Variants in TCERG1L observed in about 807,000 individuals in gnomAD.
TCERG1L encodes transcription elongation regulator 1-like protein.
Under a neutral mutation model 56.3 loss-of-function variants are expected in TCERG1L, and 37 were observed. That is an observed-to-expected ratio of 0.66 (90% CI 0.51 to 0.87). TCERG1L has a LOEUF of 0.87. Among genes scored for constraint, TCERG1L ranks in the 40% least tolerant of loss-of-function variants. TCERG1L has a pLI of 0.00. For synonymous variants in TCERG1L, 324 were observed against 326.3 expected, an observed-to-expected ratio of 0.99 and a Z score of 0.08; for missense variants, 799 against 774.2, an observed-to-expected ratio of 1.03 and a Z score of -0.38.
chr10:131,121,937 TGACA>T lies in TCERG1L; in HGVS notation c.1260-5007_1260-5004del, dbSNP rs1418169223. On this transcript the variant is annotated intron_variant, in intron 8 of 11. Transcript: ENST00000368642. ...CCACACCACCATCAGGGGTCCCCGC[TGACA>T]GACAGTCTGTGGAGGGTTCCAGAGG... is the stretch of plus-strand genomic sequence containing the variant. Among the ~76,000 whole-genome samples, 6 of 152,354 alleles carry T rather than the reference TGACA, an allele frequency of 3.9e-5. No homozygotes were observed. In the East Asian group the frequency reaches 5.8e-4, roughly 15 times the overall value.
At chr10:131,097,994 T>C (rs1204571357) in intron 11 of TCERG1L, among the ~76,000 whole-genome samples, 2 of 152,208 alleles carry the variant, frequency 1.3e-5, no homozygotes, top group Non-Finnish European at 2.9e-5. Context: ...CACGTATTGA[T>C]TGGTTATTTG....
At chr10:131,133,358 T>C (rs988620934) in intron 8 of TCERG1L, among the ~76,000 whole-genome samples, 1 of 152,240 alleles carries the variant, frequency 6.6e-6, no homozygotes, top group African/African-American at 2.4e-5. Context: ...AGAAAACGCA[T>C]ACGACACTGA....
intron 4 of TCERG1L, among the ~76,000 whole-genome samples, chr10:131,189,022 A>C (rs1845278142): frequency 6.6e-6 from 1 of 152,226 alleles, no homozygotes; most frequent in African/African-American, 2.4e-5. Flanking sequence ...ATACAGGCAA[A>C]TAAAGCAGCA....
At chr10:131,122,961 A>C (rs1845528317) in intron 8 of TCERG1L, among the ~76,000 whole-genome samples, 1 of 152,220 alleles carries the variant, frequency 6.6e-6, no homozygotes, top group African/African-American at 2.4e-5. Flanking sequence ...CTTCAATTGC[A>C]TTCAGCAGGC....
intron 7 of TCERG1L, among the ~76,000 whole-genome samples, chr10:131,135,220 G>T (rs529588018): frequency 6.6e-6 from 1 of 151,988 alleles, no homozygotes; most frequent in Non-Finnish European, 1.5e-5. Flanking sequence ...GGCTTATTCC[G>T]CCCCGCCCAG....
chr10:131,155,230 G>A (rs1845906601), intron 6 of TCERG1L, among the ~76,000 whole-genome samples: 1 of 152,274 alleles, frequency 6.6e-6, no homozygotes, highest in African/African-American at 2.4e-5. Flanking sequence ...GCTCCTAAAG[G>A]CATCACTGTT....
intron 6 of TCERG1L, among the ~76,000 whole-genome samples, chr10:131,160,372 G>T (rs1431398791): frequency 1.3e-5 from 2 of 151,996 alleles, no homozygotes; most frequent in South Asian, 4.2e-4. Flanking sequence ...CCAGGCCCAA[G>T]CCCTCACCCA....
chr10:131,251,285 G>C (rs1848800771), intron 4 of TCERG1L, among the ~76,000 whole-genome samples: 1 of 152,110 alleles, frequency 6.6e-6, no homozygotes, highest in Non-Finnish European at 1.5e-5. Flanking sequence ...CTGGGAGCCA[G>C]TCCTGACTCT....
intron 3 of TCERG1L, among the ~76,000 whole-genome samples, chr10:131,282,247 A>G (rs1010683355): frequency 6.7e-6 from 1 of 148,836 alleles, no homozygotes; most frequent in Non-Finnish European, 1.5e-5. Context: ...AGGTATTTAG[A>G]CCCCACGCTT....
chr10:131,136,998 G>A (rs1251206032), intron 7 of TCERG1L, among the ~76,000 whole-genome samples: 2 of 151,830 alleles, frequency 1.3e-5, no homozygotes, highest in African/African-American at 2.4e-5. Context: ...AAATTAGCCG[G>A]GTGTGGTGGC....
intron 11 of TCERG1L, 83 bp from the exon 12 acceptor site, chr10:131,093,401 C>G: frequency 6.6e-7 from 1 of 1,523,458 alleles, no homozygotes. Context: ...ACCGCCTGAG[C>G]AAGCATCCAG....
In TCERG1L at chr10:131,150,080, G is replaced by A. The variant is rs140252623; in HGVS notation, c.1035-3420C>T. Among the ~76,000 whole-genome samples, 463 of 152,294 alleles carry A rather than the reference G, an allele frequency of 3.0e-3. 7 individuals carry two copies. Among genetic ancestry groups the A allele is most frequent in the East Asian group, 1.5e-3 (8 of 5,188 alleles). ...CCTAGAAGCGTCCTTGGCTCTCTGTGTTCCTCTCTAGCAACTTAAGACTTA... is the reference window on the plus strand; with the variant it reads ...CCTAGAAGCGTCCTTGGCTCTCTGTATTCCTCTCTAGCAACTTAAGACTTA... On this transcript the variant is annotated intron_variant, in intron 6 of 11. Coordinates refer to ENST00000368642, the MANE Select transcript of TCERG1L (RefSeq NM_174937.4).
intron 4 of TCERG1L, among the ~76,000 whole-genome samples, chr10:131,250,357 G>A (rs1268398258): frequency 2.0e-5 from 2 of 102,226 alleles, no homozygotes; most frequent in African/African-American, 9.3e-5. Flanking sequence ...TGAGAGGTTT[G>A]CAGATGTTCA....
chr10:131,273,916 T>C (rs1846366739), intron 3 of TCERG1L, among the ~76,000 whole-genome samples: 1 of 152,100 alleles, frequency 6.6e-6, no homozygotes, highest in Non-Finnish European at 1.5e-5. Context: ...GAGAAACTAT[T>C]CCCCCGTGAA....
At chr10:131,150,722 G>A (rs1014591810) in intron 6 of TCERG1L, among the ~76,000 whole-genome samples, 3 of 152,226 alleles carry the variant, frequency 2.0e-5, no homozygotes, top group African/African-American at 7.2e-5. Flanking sequence ...GATAGCACAC[G>A]TGGATCTCCT....
chr10:131,143,935 C>A (rs1845766713), intron 7 of TCERG1L, among the ~76,000 whole-genome samples: 1 of 152,182 alleles, frequency 6.6e-6, no homozygotes, highest in African/African-American at 2.4e-5. Context: ...AATGACAAAG[C>A]GGACTCTTTC....
At chr10:131,284,049 C>T (rs1056577658) in intron 3 of TCERG1L, among the ~76,000 whole-genome samples, 4 of 150,300 alleles carry the variant, frequency 2.7e-5, no homozygotes, top group Non-Finnish European at 4.4e-5. Flanking sequence ...ATCACTTGAA[C>T]CCAGGGGGCG....
At chr10:131,156,611 C>T (rs1457718366) in intron 6 of TCERG1L, among the ~76,000 whole-genome samples, 1 of 152,174 alleles carries the variant, frequency 6.6e-6, no homozygotes, top group Non-Finnish European at 1.5e-5. Flanking sequence ...CCCGGCGCCA[C>T]ACCCTGGACC....
At chr10:131,245,731 C>T (rs1281309307) in intron 4 of TCERG1L, among the ~76,000 whole-genome samples, 1 of 152,182 alleles carries the variant, frequency 6.6e-6, no homozygotes, top group Non-Finnish European at 1.5e-5. Flanking sequence ...GTGTATCATC[C>T]TCATAAAGAG....
Sources: allele counts gnomAD v4.1 joint callset (sites outside exome capture counted in the v4.1 genomes callset), GRCh38; gene constraint gnomAD v4.1.1; transcripts MANE v1.5; gene names NCBI Gene and HGNC (gene_info 2026-07-23, HGNC 2026-07-21).